Variants in CREM observed in about 807,000 individuals in gnomAD.
CREM encodes the protein cAMP-responsive element modulator.
In CREM, 13 loss-of-function variants were observed where a neutral mutation model predicts 37.3. That is an observed-to-expected ratio of 0.35 (90% CI 0.23 to 0.55). The LOEUF (loss-of-function observed/expected upper bound fraction) is 0.55. Ranked by LOEUF, CREM falls within the 20% of genes least tolerant of loss-of-function variation. The pLI is 0.88. For missense variants in CREM, 296 were observed against 362.3 expected, an observed-to-expected ratio of 0.82 and a Z score of 1.49; for synonymous variants, 124 against 120.2, an observed-to-expected ratio of 1.03 and a Z score of -0.21.
At chr10:35,156,006 C>T (rs1336169410) in intron 3 of CREM, among the ~76,000 whole-genome samples, 1 of 150,194 alleles carries the variant, frequency 6.7e-6, no homozygotes, top group Non-Finnish European at 1.5e-5. Context: ...GTGGCGCGAT[C>T]TCGGCTCACT....
intron 6 of CREM, among the ~76,000 whole-genome samples, chr10:35,188,865 G>A (rs2094776251): frequency 6.6e-6 from 1 of 151,870 alleles, no homozygotes; most frequent in Admixed American, 6.6e-5. Flanking sequence ...ACCATGTTGG[G>A]CAGGCTGGTC....
chr10:35,150,794 C>T (rs1397523546), intron 3 of CREM, among the ~76,000 whole-genome samples: 2 of 151,954 alleles, frequency 1.3e-5, no homozygotes, highest in Non-Finnish European at 2.9e-5. Flanking sequence ...TCACTCCGGC[C>T]TGGGTGACAG....
intron 1 of CREM, among the ~76,000 whole-genome samples, chr10:35,132,635 A>T (rs1281422333): frequency 3.3e-5 from 5 of 152,198 alleles, no homozygotes; most frequent in South Asian, 2.1e-4. Flanking sequence ...CGTAAAGATT[A>T]TTTTTTGAAA....
chr10:35,192,936 C>T (rs142703984), intron 6 of CREM, among the ~76,000 whole-genome samples: 1 of 152,324 alleles, frequency 6.6e-6, no homozygotes, highest in African/African-American at 2.4e-5. Flanking sequence ...CCACTTCTCC[C>T]TCTTTTGTAA....
chr10:35,142,794 G>A (rs940911734), intron 2 of CREM, among the ~76,000 whole-genome samples: 25 of 152,056 alleles, frequency 1.6e-4, no homozygotes, highest in Non-Finnish European at 3.4e-4. Flanking sequence ...TCTATGTGGA[G>A]ACGGGGTCTC....
intron 6 of CREM, among the ~76,000 whole-genome samples, chr10:35,189,444 C>T (rs942333450): frequency 2.6e-5 from 4 of 152,094 alleles, no homozygotes; most frequent in African/African-American, 4.8e-5. Flanking sequence ...TTGGTCCATT[C>T]GCTTAGGATT....
intron 5 of CREM, among the ~76,000 whole-genome samples, chr10:35,181,395 C>T (rs1590041300): frequency 1.3e-5 from 2 of 152,250 alleles, no homozygotes; most frequent in African/African-American, 4.8e-5. Context: ...TTAGGTGTAC[C>T]ATTGTCTCAT....
chr10:35,206,205 G>A (rs535177083), intron 6 of CREM, among the ~76,000 whole-genome samples: 5 of 149,214 alleles, frequency 3.4e-5, no homozygotes, highest in Admixed American at 1.3e-4. Context: ...CCAAGATCGC[G>A]CCACTGCACT....
intron 7 of CREM, chr10:35,210,524 G>A (rs2095642735): frequency 1.3e-5 from 2 of 152,154 alleles, no homozygotes; most frequent in South Asian, 2.1e-4. Context: ...CTTGAAATAT[G>A]CCCAGAGTTA....
intron 2 of CREM, among the ~76,000 whole-genome samples, chr10:35,142,035 C>T (rs1368457394): frequency 6.6e-6 from 1 of 152,100 alleles, no homozygotes; most frequent in Non-Finnish European, 1.5e-5. Flanking sequence ...TTTCTAGAGA[C>T]GTTTTAGAGG....
chr10:35,136,716 C>T (rs1412598010), intron 1 of CREM, among the ~76,000 whole-genome samples: 2 of 151,270 alleles, frequency 1.3e-5, no homozygotes, highest in Non-Finnish European at 2.9e-5. Context: ...CTGTTGCTGG[C>T]AGAGGTATCT....
chr10:35,201,587 A>C, intron 6 of CREM: 1 of 1,423,700 alleles, frequency 7.0e-7, no homozygotes, highest in Non-Finnish European at 9.6e-7. Context: ...GTTAATGACC[A>C]AAATTGAGAG....
At position 35,174,412 on chromosome 10, in the gene CREM, C is replaced by T. The variant is rs531711093; in HGVS notation, c.169-4477C>T. 3.3e-5 allele frequency among the ~76,000 whole-genome samples: 5 copies of T among 152,188 alleles called. No homozygotes were observed. In the East Asian group the frequency reaches 9.6e-4, roughly 29 times the overall value. ...GTACAAGGCTCAACACCTAGGTTCT[C>T]TTACACGGATAAAACATGTTTTAAC... On this transcript the variant is annotated intron_variant, in intron 3 of 7. Coordinates refer to ENST00000685392, the MANE Select transcript of CREM (RefSeq NM_183011.2).
At chr10:35,141,516 A>G (rs2091429231) in intron 2 of CREM, among the ~76,000 whole-genome samples, 2 of 152,068 alleles carry the variant, frequency 1.3e-5, no homozygotes, top group South Asian at 4.2e-4. Flanking sequence ...GGCTTGAACA[A>G]CTCGTTGGAT....
In CREM at chr10:35,206,685, G is replaced by A. The variant is rs142970167; in HGVS notation, c.599-210G>A. On this transcript the variant is annotated intron_variant, in intron 6 of 7. Coordinates refer to ENST00000685392, the MANE Select transcript of CREM (RefSeq NM_183011.2). ...GCATTAGGATGCTTTTCTACCTTAAGTGTTTAGAGCATGCTAAATATCATT... is the reference window on the plus strand; with the variant it reads ...GCATTAGGATGCTTTTCTACCTTAAATGTTTAGAGCATGCTAAATATCATT... 6.5e-3 allele frequency among the ~76,000 whole-genome samples: 997 copies of A among 152,298 alleles called. 9 individuals carry two copies. Among genetic ancestry groups the A allele is most frequent in the Non-Finnish European group, 8.0e-3 (543 of 68,030 alleles).
At chr10:35,190,044 C>T (rs75352243) in intron 6 of CREM, among the ~76,000 whole-genome samples, 2 of 152,052 alleles carry the variant, frequency 1.3e-5, no homozygotes, top group African/African-American at 4.8e-5. Context: ...TCTATTCCCC[C>T]CATACTCATG....
rs112407976 is a variant in CREM, at chr10:35,163,428, A to G, written c.168+14937A>G. 6.2e-3 allele frequency among the ~76,000 whole-genome samples: 936 copies of G among 152,194 alleles called. 12 individuals are homozygous for G. The highest frequency in any genetic ancestry group is 0.021 in the African/African-American group (888 of 41,528). On this transcript the variant is annotated intron_variant, in intron 3 of 7. Coordinates refer to ENST00000685392, the MANE Select transcript of CREM (RefSeq NM_183011.2). The stretch of plus-strand genomic sequence containing the variant: ...GCCAGGTATGATGGCTCATGCCTGT[A>G]ATCCCAACACTTTGGGAGGCCGAGA...
intron 2 of CREM, 57 bp downstream of exon 2, chr10:35,137,936 T>C: frequency 1.1e-5 from 16 of 1,399,838 alleles, no homozygotes; most frequent in Non-Finnish European, 1.6e-5. Flanking sequence ...TTAAAGTTCA[T>C]GATGAATAAA....
At chr10:35,148,612 G>A in intron 3 of CREM, 121 bp downstream of exon 3, 1 of 1,130,706 alleles carries the variant, frequency 8.8e-7, no homozygotes, top group African/African-American at 1.6e-5. Flanking sequence ...AGCCATTCTT[G>A]CTTATTTGAT....
Sources: gnomAD v4.1 joint callset for allele counts (sites outside exome capture counted in the v4.1 genomes callset) on GRCh38, gnomAD v4.1.1 for gene constraint, MANE v1.5 for transcripts, NCBI Gene and HGNC (gene_info 2026-07-23, HGNC 2026-07-21) for gene names.